ACBD5: variants seen among roughly 807,000 people sequenced by gnomAD.
ACBD5 encodes the protein acyl-CoA binding domain containing 5, also known as acyl-CoA-binding domain-containing protein 5.
A neutral mutation model predicts 71.8 loss-of-function variants in ACBD5; 40 were observed. That is an observed-to-expected ratio of 0.56 (90% confidence interval 0.43 to 0.72). The LOEUF (loss-of-function observed/expected upper bound fraction) is 0.72, where lower values mean the gene tolerates loss of function less well. Ranked by LOEUF, ACBD5 falls within the 30% of genes least tolerant of loss-of-function variation. The pLI, the probability that ACBD5 is intolerant of heterozygous loss-of-function variation, is 0.00. For missense variants in ACBD5, 559 were observed against 644.5 expected (o/e 0.87, Z 1.44); for synonymous variants, 229 against 218.6 (o/e 1.05, Z -0.42).
At chr10:27,231,904 GT>G in intron 3 of ACBD5, 84 bp from the exon 4 acceptor site, 1 of 1,307,346 alleles carries the variant, frequency 7.6e-7, no homozygotes, top group Non-Finnish European at 1.1e-6. Context: ...ATGCTATAGG[GT>G]TACTAATTAA....
Position 27,231,739 on chromosome 10 carries a change from T to G in ACBD5, c.375+9A>C, listed in dbSNP as rs974614311. 1 of 1,613,306 alleles carries G rather than the reference T, an allele frequency of 6.2e-7. No homozygotes were observed. Among genetic ancestry groups the G allele is most frequent in the African/African-American group, 1.3e-5 (1 of 75,058 alleles). On this transcript the variant is annotated intron_variant, in intron 4 of 12. Transcript: ENST00000396271. The stretch of plus-strand genomic sequence containing the variant: ...AATTTTCATTTTAACTGTGAATTAT[T>G]TTCCCTACCTTTTTCATTTCTTCAA...
Position 27,223,788 on chromosome 10 carries a change from T to C in ACBD5, c.376-336A>G, listed in dbSNP as rs12262674. ...AACCAGGCACGGTGGTGTGTGTCTG[T>C]GGTCCCAGCTACTCCAGAGGCTGAG... On this transcript the variant is annotated intron_variant, in intron 4 of 12. Transcript: ENST00000396271. 0.068 allele frequency among the ~76,000 whole-genome samples: 10,401 copies of C among 152,006 alleles called. 674 individuals carry two copies. The highest frequency in any genetic ancestry group is 0.17 in the African/African-American group (6,983 of 41,434).
intron 3 of ACBD5, among the ~76,000 whole-genome samples, chr10:27,233,504 G>A (rs1392639495): frequency 6.6e-6 from 1 of 151,348 alleles, no homozygotes; most frequent in Non-Finnish European, 1.5e-5. Context: ...GATCACTTGA[G>A]ACCAGGAATT....
intron 10 of ACBD5, among the ~76,000 whole-genome samples, chr10:27,206,099 G>T (rs2060444633): frequency 6.6e-6 from 1 of 151,694 alleles, no homozygotes; most frequent in Non-Finnish European, 1.5e-5. Flanking sequence ...ACAGGGTCTT[G>T]CCATGCTGCC....
At chr10:27,186,736 G>A in intron 13 of ACBD5, 2 of 579,906 alleles carry the variant, frequency 3.4e-6, no homozygotes, top group Non-Finnish European at 6.1e-6. Flanking sequence ...CCTCAAAACT[G>A]TATATAAATC....
At chr10:27,232,912 A>T (rs2064086754) in intron 3 of ACBD5, among the ~76,000 whole-genome samples, 1 of 152,194 alleles carries the variant, frequency 6.6e-6, no homozygotes, top group African/African-American at 2.4e-5. Flanking sequence ...TCTTCTTAAA[A>T]TGGGCAAATC....
chr10:27,202,585 TTTG>T, intron 12 of ACBD5, among the ~76,000 whole-genome samples: 1 of 151,402 alleles, frequency 6.6e-6, no homozygotes, highest in East Asian at 1.9e-4. Flanking sequence ...TAGAGTGTAG[TTTG>T]TTTTTTCAAT....
At chr10:27,213,935 C>T (rs929001582) in intron 8 of ACBD5, among the ~76,000 whole-genome samples, 38 of 151,750 alleles carry the variant, frequency 2.5e-4, no homozygotes, top group African/African-American at 6.3e-4. Flanking sequence ...CATGAACAGA[C>T]GAATGGATAA....
At chr10:27,240,857 G>T, upstream of ACBD5, 1 of 1,011,374 alleles carries the variant, frequency 9.9e-7, no homozygotes, top group Non-Finnish European at 1.5e-6. This position sits in a 1 kb window ranked among gnomAD's most constrained non-coding sequence, Gnocchi z 4.1. Flanking sequence ...CACTGGCGCC[G>T]CCGCCGCCGC....
At chr10:27,233,992 T>G (rs2064279387) in intron 3 of ACBD5, among the ~76,000 whole-genome samples, 1 of 152,028 alleles carries the variant, frequency 6.6e-6, no homozygotes, top group South Asian at 2.1e-4. Context: ...TGCGGTGAGC[T>G]GAGGTCACGC....
intron 4 of ACBD5, among the ~76,000 whole-genome samples, chr10:27,227,199 G>A (rs181304355): frequency 1.4e-4 from 21 of 151,964 alleles, no homozygotes; most frequent in Admixed American, 9.2e-4. Context: ...AGAATGTTTT[G>A]ACAGAAATAT....
At chr10:27,207,709 TTTTATTTA>T (rs552511867) in intron 10 of ACBD5, among the ~76,000 whole-genome samples, 2 of 152,062 alleles carry the variant, frequency 1.3e-5, no homozygotes, top group Non-Finnish European at 2.9e-5. Flanking sequence ...ACCCTTTTCA[TTTTATTTA>T]TTTATTTATT....
chr10:27,233,769 G>A (rs1052769205), intron 3 of ACBD5, among the ~76,000 whole-genome samples: 15 of 152,144 alleles, frequency 9.9e-5, no homozygotes, highest in South Asian at 4.1e-4. Flanking sequence ...GGGCGGGAGC[G>A]GGGGGTGGCT....
intron 4 of ACBD5, among the ~76,000 whole-genome samples, chr10:27,226,277 T>C (rs1339412419): frequency 3.9e-5 from 6 of 152,104 alleles, no homozygotes; most frequent in African/African-American, 1.4e-4. Context: ...CAGTACCCAA[T>C]AGGAAGTTTT....
At chr10:27,204,745 T>C (rs1226904191) in intron 11 of ACBD5, among the ~76,000 whole-genome samples, 196 bp from the exon 12 acceptor site, 1 of 152,198 alleles carries the variant, frequency 6.6e-6, no homozygotes, top group Admixed American at 6.5e-5. Flanking sequence ...CAGACTTAAA[T>C]AAACACAAAA....
In ACBD5 at chr10:27,196,619, A is replaced by G. The variant is rs1043473744; in HGVS notation, c.*811T>C. On this transcript the variant is annotated 3_prime_UTR_variant, in exon 13 of 13. Coordinates refer to ENST00000396271, the MANE Select transcript of ACBD5 (RefSeq NM_145698.5). The stretch of plus-strand genomic sequence containing the variant: ...TTCATTTTATATTTCAAAGCACCCT[A>G]TGAAGCAGACACTAGATATCCTCAG... The G allele has an allele frequency of 8.8e-6, 4 of 454,376 alleles. No individual in the cohort carries two copies. Among genetic ancestry groups the G allele is most frequent in the Non-Finnish European group, 1.8e-5 (4 of 226,778 alleles). The allele number at this position is 454,376 out of a possible 1,614,324, so 28.1% of individuals were successfully genotyped here.
chr10:27,221,216 A>T (rs1229231901), intron 5 of ACBD5, among the ~76,000 whole-genome samples: 1 of 152,246 alleles, frequency 6.6e-6, no homozygotes, highest in Non-Finnish European at 1.5e-5. Flanking sequence ...CATTTGGTAT[A>T]TTATGTAACA....
intron 9 of ACBD5, among the ~76,000 whole-genome samples, chr10:27,208,938 A>G (rs765350131): frequency 1.3e-5 from 2 of 152,200 alleles, no homozygotes; most frequent in Non-Finnish European, 2.9e-5. Context: ...ACTTCTATTC[A>G]TATTGATATA....
intron 13 of ACBD5, among the ~76,000 whole-genome samples, chr10:27,187,288 A>G (rs2058823709): frequency 6.6e-6 from 1 of 152,132 alleles, no homozygotes; most frequent in Non-Finnish European, 1.5e-5. Flanking sequence ...CAACAGAACA[A>G]GACTCCGTCT....
Sources: gnomAD v4.1 joint callset for allele counts (sites outside exome capture counted in the v4.1 genomes callset) on GRCh38, gnomAD v4.1.1 for gene constraint, Gnocchi (gnomAD v3.1) non-coding constraint, MANE v1.5 for transcripts, NCBI Gene and HGNC (gene_info 2026-07-23, HGNC 2026-07-21) for gene names.